SCIMP: variants seen among roughly 807,000 people sequenced by gnomAD.
The protein encoded by SCIMP is SLP adapter and CSK-interacting membrane protein.
SCIMP carries 18 observed loss-of-function variants against 22.0 expected under a neutral mutation model. The observed-to-expected ratio is 0.82, with a 90% CI of 0.56 to 1.21. SCIMP has a LOEUF of 1.21. Ranked by LOEUF, SCIMP falls within the 50% of genes most tolerant of loss-of-function variation. The pLI, the probability that SCIMP is intolerant of heterozygous loss-of-function variation, is 0.00. For missense variants in SCIMP, 155 were observed against 171.2 expected (o/e 0.91, Z 0.53); for synonymous variants, 53 against 62.2 (o/e 0.85, Z 0.70).
intron 1 of SCIMP, among the ~76,000 whole-genome samples, chr17:5,229,188 G>C (rs1459589238): frequency 3.3e-5 from 5 of 151,996 alleles, no homozygotes; most frequent in African/African-American, 1.2e-4. Context: ...TGAGCCTGTT[G>C]CAGTTCTGGG....
chr17:5,218,866 C>T (rs1243153501), intron 3 of SCIMP, among the ~76,000 whole-genome samples: 1 of 151,958 alleles, frequency 6.6e-6, no homozygotes, highest in Non-Finnish European at 1.5e-5. Flanking sequence ...TCAAGTGATA[C>T]TCCCACTTTG....
chr17:5,214,988 T>A lies in SCIMP; in HGVS notation c.220A>T (p.Asn74Tyr). The A allele has an allele frequency of 6.2e-7, 1 of 1,607,860 alleles. No homozygotes were observed. Among genetic ancestry groups the A allele is most frequent in the African/African-American group, 1.3e-5 (1 of 74,800 alleles). Residue 74 changes from asparagine (N) to tyrosine (Y), a missense_variant, in exon 4 of 5, where the codon AAT (asparagine) becomes TAT (tyrosine). Asn to Tyr is a moderately radical substitution (Grantham distance 143). Coordinates refer to ENST00000574081, the MANE Select transcript of SCIMP (RefSeq NM_207103.3). ...DEEKMYENVLNESPVQLPPLP... is the reference protein window; with the variant it reads ...DEEKMYENVLYESPVQLPPLP... ...GGCGGTAATTGAACTGGCGACTCATTAAGAACATTCCTAGAGAGAGAGAAA... is the reference window on the plus strand; with the variant it reads ...GGCGGTAATTGAACTGGCGACTCATAAAGAACATTCCTAGAGAGAGAGAAA...
chr17:5,231,441 C>T (rs1180287619), intron 1 of SCIMP, among the ~76,000 whole-genome samples: 1 of 152,012 alleles, frequency 6.6e-6, no homozygotes, highest in Non-Finnish European at 1.5e-5. Flanking sequence ...CACTTATGAC[C>T]ATCAATCCTT....
intron 1 of SCIMP, among the ~76,000 whole-genome samples, chr17:5,226,504 C>CTTT (rs1567842763): frequency 1.7e-5 from 2 of 116,880 alleles, no homozygotes; most frequent in African/African-American, 2.8e-5. Flanking sequence ...TTTTTTCTTT[C>CTTT]TTTCTTTTTT....
intron 1 of SCIMP, among the ~76,000 whole-genome samples, chr17:5,231,390 GT>G (rs1417108835): frequency 6.6e-6 from 1 of 151,672 alleles, no homozygotes; most frequent in East Asian, 1.9e-4. Context: ...AAAAAAAGTT[GT>G]TTTTCAGGAA....
intron 3 of SCIMP, among the ~76,000 whole-genome samples, chr17:5,217,302 G>A (rs60684279): frequency 0.013 from 2,003 of 152,076 alleles, 42 homozygotes; most frequent in African/African-American, 0.046. Context: ...AAAGTCACCC[G>A]GTTCCAAATT....
intron 1 of SCIMP, among the ~76,000 whole-genome samples, chr17:5,233,298 A>C (rs2074717133): frequency 6.6e-6 from 1 of 151,978 alleles, no homozygotes; most frequent in Admixed American, 6.6e-5. Flanking sequence ...GCTGGCCCCT[A>C]GCCCCCACTG....
intron 3 of SCIMP, among the ~76,000 whole-genome samples, chr17:5,218,286 A>AG (rs398078849): frequency 8.2e-3 from 1 of 122 alleles, no homozygotes; most frequent in East Asian, 0.17. Flanking sequence ...TGGGCCTCCC[A>AG]AGTGCTGGGA....
chr17:5,223,543 G>T (rs2074624319), intron 1 of SCIMP, 87 bp from the exon 2 acceptor site: 2 of 1,212,286 alleles, frequency 1.6e-6, no homozygotes, highest in East Asian at 2.6e-5. Context: ...ACTGTGGGTT[G>T]TTTTTTTTTT....
At chr17:5,232,127 G>T (rs545525821) in intron 1 of SCIMP, among the ~76,000 whole-genome samples, 1 of 152,218 alleles carries the variant, frequency 6.6e-6, no homozygotes, top group Non-Finnish European at 1.5e-5. Context: ...GGCCTCATTT[G>T]GTATCAAGAG....
chr17:5,217,666 G>A (rs1286119398), intron 3 of SCIMP, among the ~76,000 whole-genome samples: 2 of 146,990 alleles, frequency 1.4e-5, no homozygotes, highest in Non-Finnish European at 1.5e-5. Context: ...TGCGGTGTTT[G>A]TTTTTTTGTC....
chr17:5,234,668 C>G (rs1457568998), intron 1 of SCIMP, 67 bp downstream of exon 1: 1 of 1,554,214 alleles, frequency 6.4e-7, no homozygotes, highest in Admixed American at 1.8e-5. Flanking sequence ...CGCCCTGATG[C>G]CAGCGCTGGC....
Position 5,209,326 on chromosome 17 carries a change from G to T in SCIMP, c.*1475C>A, listed in dbSNP as rs2144295690. The T allele has an allele frequency of 6.6e-6, 1 of 152,260 alleles. No homozygotes were observed. The highest frequency in any genetic ancestry group is 1.5e-5 in the Non-Finnish European group (1 of 68,052). 9.4% of individuals were successfully genotyped at this position (152,260 alleles called of 1,614,324 possible). A position where few individuals can be genotyped will look rare whatever the true frequency, so the allele number is the denominator to read the frequency against. ...ATTTTGTATTTTTAGTAGAAATGGG[G>T]TTTCTCCATGTTGGTCAGGCTGGTC... On this transcript the variant is annotated 3_prime_UTR_variant, in exon 5 of 5. Coordinates refer to ENST00000574081, the MANE Select transcript of SCIMP (RefSeq NM_207103.3).
intron 1 of SCIMP, among the ~76,000 whole-genome samples, chr17:5,224,344 A>C (rs905999014): frequency 6.6e-6 from 1 of 151,348 alleles, no homozygotes; most frequent in African/African-American, 2.4e-5. Context: ...TCACCGTGTT[A>C]GCCAGGATAG....
chr17:5,229,554 C>T (rs569992975), intron 1 of SCIMP, among the ~76,000 whole-genome samples: 74 of 151,730 alleles, frequency 4.9e-4, no homozygotes, highest in African/African-American at 1.6e-3. Flanking sequence ...CCACCATGCC[C>T]GGCTAATTTT....
At chr17:5,215,320 C>A in intron 3 of SCIMP, 1 of 219,884 alleles carries the variant, frequency 4.5e-6, no homozygotes, top group Non-Finnish European at 9.1e-6. Context: ...TTTCTATTTG[C>A]AAAACAGATG....
intron 4 of SCIMP, among the ~76,000 whole-genome samples, chr17:5,211,480 C>T (rs1283408494): frequency 1.3e-5 from 2 of 151,144 alleles, no homozygotes; most frequent in Admixed American, 6.6e-5. Context: ...GCCATGATCA[C>T]GCCACTGCAC....
intron 3 of SCIMP, among the ~76,000 whole-genome samples, chr17:5,219,929 A>T (rs1483185751): frequency 6.6e-6 from 1 of 152,186 alleles, no homozygotes; most frequent in Non-Finnish European, 1.5e-5. Flanking sequence ...CTTCACTGGG[A>T]GAGGACAACT....
intron 4 of SCIMP, chr17:5,213,212 A>C: frequency 2.0e-6 from 2 of 980,268 alleles, no homozygotes; most frequent in Non-Finnish European, 2.4e-6. Flanking sequence ...ATATCAGGCT[A>C]TTGGGTGCGT....
Sources: gnomAD v4.1 joint callset for allele counts (sites outside exome capture counted in the v4.1 genomes callset) on GRCh38, gnomAD v4.1.1 for gene constraint, MANE v1.5 for transcripts, NCBI Gene and HGNC (gene_info 2026-07-23, HGNC 2026-07-21) for gene names.